The following ANO2 variants were observed in gnomAD, a reference collection of about 807,000 sequenced individuals.
ANO2 encodes anoctamin-2.
ANO2 carries 101 observed loss-of-function variants against 124.2 expected under a neutral mutation model. The observed-to-expected ratio is 0.81, with a 90% CI of 0.69 to 0.96. ANO2 has a LOEUF of 0.96. ANO2 is among the 40% of genes least tolerant of loss of function. The pLI is 0.00. For missense variants in ANO2, 1,293 were observed against 1,274.5 expected (o/e 1.01, Z -0.22); for synonymous variants, 486 against 482.5 (o/e 1.01, Z -0.09).
In ANO2 at chr12:5,658,245, T is replaced by C. The variant is rs1323389592; in HGVS notation, c.1546-10444A>G. 6.6e-6 allele frequency among the ~76,000 whole-genome samples: 1 copy of C among 152,116 alleles called. No individual in the cohort carries two copies. The highest frequency in any genetic ancestry group is 1.5e-5 in the Non-Finnish European group (1 of 68,028). On this transcript the variant is annotated intron_variant, in intron 14 of 24. Transcript: ENST00000682330. This position sits in a 1 kb window ranked among gnomAD's most constrained non-coding sequence, Gnocchi z 4.3. The stretch of plus-strand genomic sequence containing the variant: ...CTCTATACCTCCACTTCCTCACCCA[T>C]AACAAAGAGATTGAAAATAGTGCCA...
chr12:5,600,438 C>G (rs1229254475), intron 19 of ANO2, among the ~76,000 whole-genome samples: 1 of 152,122 alleles, frequency 6.6e-6, no homozygotes, highest in Non-Finnish European at 1.5e-5. Flanking sequence ...CCTGAGCAGA[C>G]TAAGACAACT....
Position 5,776,954 on chromosome 12 carries a change from G to T in ANO2, c.1055+22553C>A, listed in dbSNP as rs183073285. Among the ~76,000 whole-genome samples, 261 of 152,272 alleles carry T rather than the reference G, an allele frequency of 1.7e-3. 2 individuals carry two copies. The highest frequency in any genetic ancestry group is 6.0e-3 in the African/African-American group (250 of 41,560). On this transcript the variant is annotated intron_variant, in intron 10 of 24. Coordinates refer to ENST00000682330, the MANE Select transcript of ANO2 (RefSeq NM_001364791.2). ...GCCTCTACATTTGACAGGCTCCAAA[G>T]AACTCAGCTTCTAGATCTTAGGGAA...
intron 20 of ANO2, among the ~76,000 whole-genome samples, chr12:5,585,538 C>T (rs965986617): frequency 2.6e-5 from 4 of 152,212 alleles, no homozygotes; most frequent in African/African-American, 7.2e-5. Context: ...GCTAGGGAGA[C>T]TTGAGTTGGC....
chr12:5,574,738 C>T (rs901447471), intron 23 of ANO2, among the ~76,000 whole-genome samples: 1 of 152,190 alleles, frequency 6.6e-6, no homozygotes, highest in Non-Finnish European at 1.5e-5. Flanking sequence ...CAACTCTAGC[C>T]CATTGTCCTC....
rs1158149060 is a variant in ANO2, at chr12:5,658,150, G to A, written c.1546-10349C>T. On this transcript the variant is annotated intron_variant, in intron 14 of 24. Transcript: ENST00000682330. The surrounding 1 kb of genome is among the most constrained non-coding windows in gnomAD (Gnocchi z 4.3). ...TACTGCAGTATGGTCTAGCCTGGAG[G>A]TGGCTGCCTGGGTTCAATTCCCAGC... is the stretch of plus-strand genomic sequence containing the variant. Among the ~76,000 whole-genome samples, 1 of 152,152 alleles carries A rather than the reference G, an allele frequency of 6.6e-6. No homozygotes were observed. The highest frequency in any genetic ancestry group is 1.5e-5 in the Non-Finnish European group (1 of 68,034).
intron 14 of ANO2, among the ~76,000 whole-genome samples, chr12:5,680,158 A>T (rs1413496866): frequency 6.6e-6 from 1 of 152,208 alleles, no homozygotes; most frequent in Non-Finnish European, 1.5e-5. Context: ...TGGGAGGAAG[A>T]GCATCAGGAA....
chr12:5,930,536 G>T (rs1942318892), intron 1 of ANO2, among the ~76,000 whole-genome samples: 1 of 152,182 alleles, frequency 6.6e-6, no homozygotes, highest in African/African-American at 2.4e-5. Flanking sequence ...GGCAACCATG[G>T]TCCTGCTGAA....
intron 4 of ANO2, chr12:5,839,456 C>A: frequency 5.0e-6 from 2 of 401,074 alleles, no homozygotes; most frequent in South Asian, 3.7e-5. Flanking sequence ...TTAGACTGAG[C>A]GCTACTCCAG....
intron 10 of ANO2, among the ~76,000 whole-genome samples, chr12:5,770,482 G>T (rs1349353455): frequency 6.6e-6 from 1 of 152,012 alleles, no homozygotes; most frequent in Non-Finnish European, 1.5e-5. Flanking sequence ...AGTTGCTCAG[G>T]ACAAAAACAT....
At chr12:5,767,526 TC>T (rs1951933972) in intron 10 of ANO2, among the ~76,000 whole-genome samples, 1 of 152,218 alleles carries the variant, frequency 6.6e-6, no homozygotes, top group African/African-American at 2.4e-5. Context: ...TTATTCAGCA[TC>T]TATATGTGCC....
chr12:5,774,942 CAAGGA>C (rs1952183809), intron 10 of ANO2, among the ~76,000 whole-genome samples: 1 of 152,178 alleles, frequency 6.6e-6, no homozygotes, highest in Non-Finnish European at 1.5e-5. Context: ...CTCCACCAAG[CAAGGA>C]AAGAAAAAGA....
intron 14 of ANO2, among the ~76,000 whole-genome samples, chr12:5,681,595 C>T (rs1013154741): frequency 1.3e-5 from 2 of 152,184 alleles, no homozygotes; most frequent in Non-Finnish European, 2.9e-5. Context: ...AAGTGCAAGT[C>T]GCATTAAAAG....
intron 14 of ANO2, among the ~76,000 whole-genome samples, chr12:5,700,565 G>C (rs1162300217): frequency 6.6e-6 from 1 of 152,146 alleles, no homozygotes; most frequent in Non-Finnish European, 1.5e-5. Context: ...TCAAAAGCTA[G>C]CAGAAGGCCA....
intron 16 of ANO2, among the ~76,000 whole-genome samples, chr12:5,628,284 T>C (rs1945516943): frequency 6.6e-6 from 1 of 152,240 alleles, no homozygotes; most frequent in South Asian, 2.1e-4. Flanking sequence ...CTGGGTCATC[T>C]GACCCACACG....
intron 4 of ANO2, among the ~76,000 whole-genome samples, chr12:5,837,384 A>G (rs1199941904): frequency 8.5e-6 from 1 of 117,260 alleles, no homozygotes; most frequent in Admixed American, 1.2e-4. Context: ...ATTGTGCGTT[A>G]GTTACATATG....
intron 7 of ANO2, among the ~76,000 whole-genome samples, chr12:5,814,561 C>T (rs1448537389): frequency 1.3e-5 from 2 of 152,246 alleles, no homozygotes; most frequent in Non-Finnish European, 2.9e-5. Flanking sequence ...ACCCTTATCC[C>T]TACACGACAT....
intron 5 of ANO2, among the ~76,000 whole-genome samples, chr12:5,831,786 C>T (rs192808001): frequency 1.3e-5 from 2 of 152,296 alleles, no homozygotes; most frequent in African/African-American, 2.4e-5. Context: ...TTCCATGCCC[C>T]GGCCTTTCCC....
chr12:5,935,527 G>A (rs935300054), intron 1 of ANO2, among the ~76,000 whole-genome samples: 21 of 152,114 alleles, frequency 1.4e-4, no homozygotes, highest in Admixed American at 9.2e-4. Flanking sequence ...AATGCAGATC[G>A]CTCTTATTCA....
At chr12:5,938,346 C>G (rs1277702993) in intron 1 of ANO2, among the ~76,000 whole-genome samples, 1 of 152,314 alleles carries the variant, frequency 6.6e-6, no homozygotes, top group Non-Finnish European at 1.5e-5. Context: ...AGGGATTGTA[C>G]TTCTATGCTG....
Sources: allele counts gnomAD v4.1 joint callset (sites outside exome capture counted in the v4.1 genomes callset), GRCh38; gene constraint gnomAD v4.1.1; non-coding constraint Gnocchi (gnomAD v3.1); transcripts MANE v1.5; gene names NCBI Gene and HGNC (gene_info 2026-07-23, HGNC 2026-07-21).